DACH2: variants seen among roughly 807,000 people sequenced by gnomAD.
DACH2 encodes dachshund family transcription factor 2, also known as dachshund homolog 2.
A neutral mutation model predicts 35.8 loss-of-function variants in DACH2; 17 were observed. The ratio of observed to expected loss-of-function variants is 0.48; its 90% CI spans 0.33 to 0.71. The LOEUF (loss-of-function observed/expected upper bound fraction) is 0.71. DACH2 is among the 30% of genes least tolerant of loss of function. DACH2 has a pLI of 0.02. For missense variants in DACH2, 469 were observed against 472.7 expected (o/e 0.99, Z 0.07); for synonymous variants, 195 against 177.3 (o/e 1.10, Z -0.79).
intron 1 of DACH2, among the ~76,000 whole-genome samples, chrX:86,340,364 T>C (rs1369528036): frequency 1.8e-5 from 2 of 111,617 alleles, no homozygotes; most frequent in Non-Finnish European, 3.8e-5. Context: ...TGGTCAGTGA[T>C]CTTTGATGTT....
At chrX:86,312,789 A>T (rs1259532689) in intron 1 of DACH2, among the ~76,000 whole-genome samples, 1 of 111,480 alleles carries the variant, frequency 9.0e-6, no homozygotes. Context: ...CAGACAGCCT[A>T]TTGTGGGACC....
chrX:86,728,243 C>G (rs1194897510), intron 6 of DACH2, among the ~76,000 whole-genome samples: 2 of 111,948 alleles, frequency 1.8e-5, no homozygotes, highest in Non-Finnish European at 3.8e-5. Flanking sequence ...AGAGTGATGA[C>G]CTGAGATATC....
At chrX:86,403,638 C>A (rs192213098) in intron 2 of DACH2, among the ~76,000 whole-genome samples, 1 of 112,054 alleles carries the variant, frequency 8.9e-6, no homozygotes, top group African/African-American at 3.2e-5. Flanking sequence ...TTGGAGATTT[C>A]TCAAAGAATT....
intron 2 of DACH2, among the ~76,000 whole-genome samples, chrX:86,400,226 C>T (rs1167037947): frequency 8.9e-6 from 1 of 111,780 alleles, no homozygotes; most frequent in Non-Finnish European, 1.9e-5. Flanking sequence ...TGGTTTTCAG[C>T]TCTATCAGGT....
At chrX:86,754,431 C>G (rs747862161) in intron 7 of DACH2, among the ~76,000 whole-genome samples, 4 of 110,797 alleles carry the variant, frequency 3.6e-5, no homozygotes, top group Non-Finnish European at 5.7e-5. Context: ...TAGCTTTCAT[C>G]TTTTTAAATG....
intron 3 of DACH2, among the ~76,000 whole-genome samples, chrX:86,585,949 G>A (rs1486710291): frequency 1.8e-5 from 2 of 111,477 alleles, no homozygotes; most frequent in African/African-American, 3.2e-5. Flanking sequence ...TTGCTAGGTC[G>A]AATGGTAATT....
intron 4 of DACH2, among the ~76,000 whole-genome samples, chrX:86,693,117 G>C (rs1210493215): frequency 8.9e-6 from 1 of 112,388 alleles, no homozygotes; most frequent in Non-Finnish European, 1.9e-5. Context: ...AGAACAAGTG[G>C]TAATCATAGA....
intron 1 of DACH2, among the ~76,000 whole-genome samples, chrX:86,326,398 C>T (rs906109835): frequency 7.4e-5 from 8 of 108,335 alleles, no homozygotes; most frequent in African/African-American, 1.4e-4. Context: ...ACCCAGGAGG[C>T]GGAGGTTGTA....
At chrX:86,395,837 G>T (rs1398336514) in intron 2 of DACH2, among the ~76,000 whole-genome samples, 3 of 111,657 alleles carry the variant, frequency 2.7e-5, no homozygotes, top group Non-Finnish European at 5.6e-5. Context: ...GAATAGTGTG[G>T]CAATAAACAT....
intron 6 of DACH2, among the ~76,000 whole-genome samples, chrX:86,715,386 G>A (rs1409987250): frequency 2.7e-5 from 3 of 111,258 alleles, no homozygotes; most frequent in Non-Finnish European, 5.7e-5. Context: ...GAAACACAAA[G>A]GATATTTCGT....
chrX:86,752,602 A>T (rs1235322413), intron 7 of DACH2, among the ~76,000 whole-genome samples: 1 of 111,819 alleles, frequency 8.9e-6, no homozygotes, highest in African/African-American at 3.2e-5. Flanking sequence ...AAATAATACA[A>T]CTAAGGCTAT....
chrX:86,788,003 G>A (rs2042154453), intron 7 of DACH2, among the ~76,000 whole-genome samples: 1 of 111,248 alleles, frequency 9.0e-6, no homozygotes, highest in Non-Finnish European at 1.9e-5. Context: ...TTGACTTGGG[G>A]TTTTATATGT....
chrX:86,542,351 A>G (rs149679279), intron 3 of DACH2, among the ~76,000 whole-genome samples: 1,485 of 111,404 alleles, frequency 0.013, 39 homozygotes, highest in African/African-American at 0.047. Context: ...TGCCCTTCCC[A>G]TGGTAATGAA....
chrX:86,285,036 T>C (rs2034116692), intron 1 of DACH2, among the ~76,000 whole-genome samples: 1 of 112,018 alleles, frequency 8.9e-6, no homozygotes, highest in South Asian at 3.6e-4. Context: ...TCTTCTCTCA[T>C]TTATTTAATC....
chrX:86,692,424 GA>G (rs1322899539), intron 4 of DACH2, among the ~76,000 whole-genome samples: 1 of 110,508 alleles, frequency 9.0e-6, no homozygotes, highest in Admixed American at 9.7e-5. Context: ...TGAGCTGTTG[GA>G]AAAAGTGTAT....
chrX:86,186,917 G>C (rs777840364), intron 1 of DACH2, among the ~76,000 whole-genome samples: 9 of 111,549 alleles, frequency 8.1e-5, no homozygotes, highest in African/African-American at 2.9e-4. Context: ...ATTTCATTTT[G>C]CAGATGGAGA....
At chrX:86,377,289 T>C (rs890320128) in intron 2 of DACH2, among the ~76,000 whole-genome samples, 8 of 111,426 alleles carry the variant, frequency 7.2e-5, no homozygotes, top group African/African-American at 2.6e-4. Flanking sequence ...ACAACGATAA[T>C]GGAAAAGAAT....
chrX:86,399,264 C>T (rs1304379675), intron 2 of DACH2, among the ~76,000 whole-genome samples: 3 of 111,340 alleles, frequency 2.7e-5, no homozygotes, highest in South Asian at 3.8e-4. Flanking sequence ...TTATTTTGAG[C>T]CTATGTATGT....
At chrX:86,604,863 G>A (rs1456083564) in intron 3 of DACH2, among the ~76,000 whole-genome samples, 2 of 111,571 alleles carry the variant, frequency 1.8e-5, no homozygotes, top group Non-Finnish European at 3.8e-5. Context: ...ATATGGATAT[G>A]TTGTTATTGG....
Sources: gnomAD v4.1 joint callset for allele counts (sites outside exome capture counted in the v4.1 genomes callset) on GRCh38, gnomAD v4.1.1 for gene constraint, MANE v1.5 for transcripts, NCBI Gene and HGNC (gene_info 2026-07-23, HGNC 2026-07-21) for gene names.